The following DTHD1 variants were observed in gnomAD, a reference collection of about 807,000 sequenced individuals.
The protein encoded by DTHD1 is death domain containing 1.
Under a neutral mutation model 74.8 loss-of-function variants are expected in DTHD1, and 59 were observed. The observed-to-expected ratio is 0.79, with a 90% CI of 0.64 to 0.98. The LOEUF (loss-of-function observed/expected upper bound fraction) is 0.98. DTHD1 is among the 50% of genes least tolerant of loss of function. The pLI is 0.00. For synonymous variants in DTHD1, 365 were observed against 371.1 expected (o/e 0.98, Z 0.19); for missense variants, 1,051 against 1,065.4 (o/e 0.99, Z 0.19).
chr4:36,312,655 G>C (rs917025930), intron 7 of DTHD1, among the ~76,000 whole-genome samples: 2 of 151,916 alleles, frequency 1.3e-5, no homozygotes, highest in Non-Finnish European at 2.9e-5. Flanking sequence ...GTTTATCCCA[G>C]ACAGAGGGAT....
intron 8 of DTHD1, among the ~76,000 whole-genome samples, chr4:36,321,720 G>T (rs895135440): frequency 3.3e-5 from 5 of 152,180 alleles, no homozygotes; most frequent in Non-Finnish European, 7.3e-5. Context: ...TGGCAAAATA[G>T]TTGGGGACTA....
chr4:36,282,247 C>T (rs1419083960), intron 1 of DTHD1, among the ~76,000 whole-genome samples: 1 of 152,152 alleles, frequency 6.6e-6, no homozygotes, highest in Admixed American at 6.5e-5. Context: ...TGCTTTTGGA[C>T]TTCAGAAGCA....
chr4:36,343,139 C>T (rs1184855502), intron 9 of DTHD1, among the ~76,000 whole-genome samples: 2 of 152,004 alleles, frequency 1.3e-5, no homozygotes, highest in Admixed American at 6.6e-5. Flanking sequence ...CGGACCTCAG[C>T]ACCAGCATCT....
intron 8 of DTHD1, among the ~76,000 whole-genome samples, chr4:36,324,394 T>G (rs1205769160): frequency 6.6e-6 from 1 of 152,210 alleles, no homozygotes; most frequent in African/African-American, 2.4e-5. Context: ...TGATTTTTCT[T>G]TTACAAAGGA....
At chr4:36,331,000 G>T (rs1287864193) in intron 8 of DTHD1, among the ~76,000 whole-genome samples, 1 of 151,688 alleles carries the variant, frequency 6.6e-6, no homozygotes, top group South Asian at 2.1e-4. Context: ...AAAACTTGAG[G>T]TCATACATCA....
At chr4:36,312,884 C>T (rs1757485079) in intron 7 of DTHD1, among the ~76,000 whole-genome samples, 2 of 152,144 alleles carry the variant, frequency 1.3e-5, no homozygotes, top group Admixed American at 1.3e-4. Flanking sequence ...TAGATTATAA[C>T]TGCGTTGAGA....
At chr4:36,325,501 T>C (rs962631324) in intron 8 of DTHD1, among the ~76,000 whole-genome samples, 3 of 152,118 alleles carry the variant, frequency 2.0e-5, no homozygotes, top group Non-Finnish European at 4.4e-5. Context: ...AGCTTAGCAA[T>C]AGTAAAATAA....
At chr4:36,329,693 C>G (rs1374182746) in intron 8 of DTHD1, among the ~76,000 whole-genome samples, 1 of 152,172 alleles carries the variant, frequency 6.6e-6, no homozygotes, top group Non-Finnish European at 1.5e-5. Flanking sequence ...AATATACACA[C>G]CAGTTTTAAA....
chr4:36,336,658 G>A (rs1379225347), intron 8 of DTHD1, among the ~76,000 whole-genome samples: 1 of 152,028 alleles, frequency 6.6e-6, no homozygotes, highest in Non-Finnish European at 1.5e-5. Context: ...TCACAGCTTG[G>A]TCTCTCTGCC....
intron 9 of DTHD1, among the ~76,000 whole-genome samples, chr4:36,339,574 G>A (rs371634620): frequency 6.6e-6 from 1 of 152,114 alleles, no homozygotes; most frequent in Non-Finnish European, 1.5e-5. Flanking sequence ...ATATTGATAT[G>A]AAACCATAAG....
chr4:36,282,528 T>C (rs569924936), intron 1 of DTHD1, among the ~76,000 whole-genome samples: 27 of 152,184 alleles, frequency 1.8e-4, no homozygotes, highest in African/African-American at 6.3e-4. Flanking sequence ...CTGGAGTGGG[T>C]TGGGATAGGG....
chr4:36,323,965 T>C (rs1250078548), intron 8 of DTHD1, among the ~76,000 whole-genome samples: 8 of 152,202 alleles, frequency 5.3e-5, no homozygotes, highest in African/African-American at 1.9e-4. Flanking sequence ...GCAGTTCCAC[T>C]TTCCTACAGG....
chr4:36,316,541 T>A, intron 8 of DTHD1, 55 bp downstream of exon 8: 1 of 1,472,772 alleles, frequency 6.8e-7, no homozygotes, highest in Middle Eastern at 2.2e-4. Context: ...TATAATTCTG[T>A]AACACAATCA....
At chr4:36,290,755 A>G (rs1216314199) in intron 3 of DTHD1, 52 bp downstream of exon 3, 3 of 1,349,700 alleles carry the variant, frequency 2.2e-6, no homozygotes, top group Non-Finnish European at 1.0e-6. Context: ...CCTCTTATAA[A>G]TATCACTCAG....
At position 36,284,460 on chromosome 4, in the gene DTHD1, G is replaced by T; in HGVS notation, c.756G>T (p.Glu252Asp). 1 of 1,537,048 alleles carries T rather than the reference G, an allele frequency of 6.5e-7. No individual in the cohort carries two copies. The highest frequency in any genetic ancestry group is 1.2e-5 in the South Asian group (1 of 84,036). ...AGACAACAGAGACAGAAATTCAAGA[G>T]ACTTCAGAAAGCCCAAGAGAAGAGA... ...IIQTTETEIQ[E>D]TSESPREEMT... The change falls in exon 2 of 10, where the codon GAG becomes GAT. Residue 252 changes from glutamate (E) to aspartate (D), a missense_variant. Coordinates refer to ENST00000639862, the MANE Select transcript of DTHD1 (RefSeq NM_001170700.3).
At chr4:36,308,990 C>T (rs1321811918) in intron 7 of DTHD1, among the ~76,000 whole-genome samples, 2 of 134,834 alleles carry the variant, frequency 1.5e-5, no homozygotes, top group African/African-American at 6.1e-5. Context: ...TCAGTGGACT[C>T]CCAAAAATGT....
Position 36,285,755 on chromosome 4 carries a change from T to A in DTHD1, c.887+1164T>A, listed in dbSNP as rs898993081. ...AACTTGCTTCATTTCTCAGCCTAAT[T>A]TACTTATTTGTAGAAATAATATATA... On this transcript the variant is annotated intron_variant, in intron 2 of 9. Coordinates refer to ENST00000639862, the MANE Select transcript of DTHD1 (RefSeq NM_001170700.3). 6.6e-5 allele frequency among the ~76,000 whole-genome samples: 10 copies of A among 152,314 alleles called. No homozygotes were observed. The East Asian group carries it at 1.9e-3, about 29-fold the overall frequency.
At chr4:36,327,694 A>C (rs1684446325) in intron 8 of DTHD1, among the ~76,000 whole-genome samples, 1 of 152,246 alleles carries the variant, frequency 6.6e-6, no homozygotes, top group Admixed American at 6.5e-5. Context: ...TAGGTAAAAA[A>C]TGAAGATAGA....
intron 3 of DTHD1, among the ~76,000 whole-genome samples, chr4:36,293,185 G>A (rs1045337437): frequency 3.9e-5 from 6 of 152,160 alleles, no homozygotes; most frequent in Non-Finnish European, 2.9e-5. Flanking sequence ...ATTTAAAATC[G>A]ATTCTCGCTA....
Sources: allele counts gnomAD v4.1 joint callset (sites outside exome capture counted in the v4.1 genomes callset), GRCh38; gene constraint gnomAD v4.1.1; transcripts MANE v1.5; gene names NCBI Gene and HGNC (gene_info 2026-07-23, HGNC 2026-07-21).